The following AMPH variants were observed in gnomAD, a reference collection of about 807,000 sequenced individuals.
AMPH encodes amphiphysin (Stiff-Mann syndrome with breast cancer 128kD autoantigen).
AMPH carries 49 observed loss-of-function variants against 99.1 expected under a neutral mutation model. The observed-to-expected ratio is 0.49, with a 90% CI of 0.39 to 0.63. The LOEUF (loss-of-function observed/expected upper bound fraction) is 0.63. AMPH is among the 20% of genes least tolerant of loss of function. The probability of loss-of-function intolerance (pLI) is 0.00; values close to 1 mark genes in which losing one functional copy is unlikely to be tolerated. For synonymous variants in AMPH, 314 were observed against 317.3 expected (o/e 0.99, Z 0.11); for missense variants, 759 against 863.4 (o/e 0.88, Z 1.52).
chr7:38,491,743 A>C (rs1463526934), intron 4 of AMPH, among the ~76,000 whole-genome samples: 1 of 152,232 alleles, frequency 6.6e-6, no homozygotes, highest in Non-Finnish European at 1.5e-5. Flanking sequence ...TCCACAATAC[A>C]GAAGAGGACA....
At chr7:38,461,156 C>A (rs1267241298) in intron 11 of AMPH, 127 bp downstream of exon 11, 9 of 1,113,506 alleles carry the variant, frequency 8.1e-6, no homozygotes, top group South Asian at 1.5e-5. Flanking sequence ...GTAATTAAAA[C>A]AAGCCTGAAT....
chr7:38,527,448 T>C (rs1012295159), intron 2 of AMPH, among the ~76,000 whole-genome samples: 1 of 152,234 alleles, frequency 6.6e-6, no homozygotes, highest in South Asian at 2.1e-4. Context: ...TTTAAGCATA[T>C]AGATCCTGTA....
At chr7:38,422,338 T>A in intron 16 of AMPH, 83 bp downstream of exon 16, 1 of 1,171,036 alleles carries the variant, frequency 8.5e-7, no homozygotes. Flanking sequence ...ATATTCAAAC[T>A]CTAGACAGCC....
intron 1 of AMPH, among the ~76,000 whole-genome samples, chr7:38,610,388 GAAA>G (rs1197892699): frequency 7.2e-5 from 9 of 124,400 alleles, no homozygotes; most frequent in Non-Finnish European, 1.0e-4. Flanking sequence ...GAAAGGAAAA[GAAA>G]AGAAAAGAAA....
At chr7:38,624,495 A>C (rs1002293341) in intron 1 of AMPH, among the ~76,000 whole-genome samples, 9 of 151,732 alleles carry the variant, frequency 5.9e-5, no homozygotes, top group Non-Finnish European at 1.3e-4. Flanking sequence ...TCCCGGTTCA[A>C]GCGATTCTTC....
intron 1 of AMPH, among the ~76,000 whole-genome samples, chr7:38,595,107 C>G (rs1159045864): frequency 6.6e-6 from 1 of 152,134 alleles, no homozygotes; most frequent in African/African-American, 2.4e-5. Context: ...GCTCCATGAC[C>G]AGGGAGGGAC....
chr7:38,498,845 T>C (rs1375515849), intron 3 of AMPH, among the ~76,000 whole-genome samples: 1 of 152,254 alleles, frequency 6.6e-6, no homozygotes, highest in African/African-American at 2.4e-5. Flanking sequence ...CTTCTTTATA[T>C]AAATGCTGCT....
chr7:38,428,051 T>C (rs1374171376), intron 14 of AMPH: 3 of 456,734 alleles, frequency 6.6e-6, no homozygotes, highest in Non-Finnish European at 1.3e-5. Context: ...TACAATCACC[T>C]GCTAGTAAGT....
chr7:38,389,826 G>A lies in AMPH; in HGVS notation c.1958C>T (p.Pro653Leu), dbSNP rs776108511. 7 of 1,613,784 alleles carry A rather than the reference G, an allele frequency of 4.3e-6. No individual in the cohort carries two copies. The highest frequency in any genetic ancestry group is 5.1e-6 in the Non-Finnish European group (6 of 1,179,900). The part of the protein sequence containing the change: ...LQRGDVVLVV[P>L]SDSEADQDAG... ...TACCTGATCAGCTTCTGAATCTGAG[G>A]GGACCACCAGCACCACATCACCCCT... The change falls in exon 20 of 21, where the codon CCC becomes CTC. Residue 653 changes from proline (P) to leucine (L), a missense_variant. Coordinates refer to ENST00000356264, the MANE Select transcript of AMPH (RefSeq NM_001635.4).
intron 1 of AMPH, among the ~76,000 whole-genome samples, chr7:38,567,010 AC>A (rs879548947): frequency 6.6e-6 from 1 of 152,214 alleles, no homozygotes; most frequent in Admixed American, 6.5e-5. Flanking sequence ...AACTAGAAAT[AC>A]CATTTGACCC....
At chr7:38,456,321 C>G (rs1473031374) in intron 11 of AMPH, among the ~76,000 whole-genome samples, 1 of 152,204 alleles carries the variant, frequency 6.6e-6, no homozygotes, top group Non-Finnish European at 1.5e-5. Context: ...CAGTGTGGTG[C>G]CTCCTACACC....
intron 1 of AMPH, among the ~76,000 whole-genome samples, chr7:38,554,651 AC>A (rs564206717): frequency 6.6e-6 from 1 of 152,240 alleles, no homozygotes; most frequent in Non-Finnish European, 1.5e-5. Flanking sequence ...TGGGCTAGAA[AC>A]CCAGAACAAC....
At chr7:38,543,904 A>G (rs1334835459) in intron 1 of AMPH, among the ~76,000 whole-genome samples, 2 of 152,214 alleles carry the variant, frequency 1.3e-5, no homozygotes, top group Non-Finnish European at 1.5e-5. Flanking sequence ...GAAAAAAAGG[A>G]AGAAATCGCA....
chr7:38,547,237 C>T (rs756556145), intron 1 of AMPH, among the ~76,000 whole-genome samples: 6 of 152,136 alleles, frequency 3.9e-5, no homozygotes, highest in Non-Finnish European at 7.3e-5. Flanking sequence ...ATAACCCTCC[C>T]CACAGAGAAT....
intron 17 of AMPH, among the ~76,000 whole-genome samples, chr7:38,394,972 C>T (rs1784627266): frequency 6.6e-6 from 1 of 152,172 alleles, no homozygotes; most frequent in African/African-American, 2.4e-5. Context: ...TCCTTTGACT[C>T]GTGTCTCTTT....
At chr7:38,580,700 T>C (rs552657872) in intron 1 of AMPH, among the ~76,000 whole-genome samples, 4,147 of 143,672 alleles carry the variant, frequency 0.029, 76 homozygotes, top group Middle Eastern at 0.091. Context: ...ATGATGATGA[T>C]GACGATGACG....
chr7:38,469,834 C>A (rs1240494316), intron 7 of AMPH, among the ~76,000 whole-genome samples: 1 of 152,182 alleles, frequency 6.6e-6, no homozygotes, highest in African/African-American at 2.4e-5. Context: ...TATTTATACA[C>A]ATTCTGCATT....
chr7:38,550,341 G>A (rs989958333), intron 1 of AMPH, among the ~76,000 whole-genome samples: 29 of 152,112 alleles, frequency 1.9e-4, no homozygotes, highest in African/African-American at 6.3e-4. Flanking sequence ...ACTAAAGTTT[G>A]GAAAGCCTGT....
intron 1 of AMPH, among the ~76,000 whole-genome samples, chr7:38,603,286 AGCCTGGT>A (rs1562855789): frequency 2.8e-5 from 4 of 145,210 alleles, no homozygotes; most frequent in African/African-American, 1.0e-4. Context: ...ACTGCATTCC[AGCCTGGT>A]GACAGAGTGA....
Sources: allele counts gnomAD v4.1 joint callset (sites outside exome capture counted in the v4.1 genomes callset), GRCh38; gene constraint gnomAD v4.1.1; transcripts MANE v1.5; gene names NCBI Gene and HGNC (gene_info 2026-07-23, HGNC 2026-07-21).